Variants in PHRF1 observed in about 807,000 individuals in gnomAD.
PHRF1 encodes the protein PHD and RING finger domain-containing protein 1.
PHRF1 carries 53 observed loss-of-function variants against 128.9 expected under a neutral mutation model. The observed-to-expected ratio is 0.41, with a 90% CI of 0.33 to 0.52. PHRF1 has a LOEUF of 0.52. Ranked by LOEUF, PHRF1 falls within the 20% of genes least tolerant of loss-of-function variation. The pLI is 0.21. For missense variants in PHRF1, 2,503 were observed against 2,284.5 expected, an observed-to-expected ratio of 1.10 and a Z score of -1.95; for synonymous variants, 1,178 against 980.6, an observed-to-expected ratio of 1.20 and a Z score of -3.76.
chr11:600,727 GA>G (rs1219588265), intron 9 of PHRF1, among the ~76,000 whole-genome samples: 1 of 152,000 alleles, frequency 6.6e-6, no homozygotes, highest in Non-Finnish European at 1.5e-5. Context: ...AGCACTTTGG[GA>G]GGCCGAGGTG....
intron 6 of PHRF1, among the ~76,000 whole-genome samples, chr11:594,603 A>G (rs548043295): frequency 2.0e-4 from 30 of 152,290 alleles, no homozygotes; most frequent in African/African-American, 7.2e-4. Flanking sequence ...CTGGGATTAC[A>G]GGCACATGCC....
intron 12 of PHRF1, among the ~76,000 whole-genome samples, chr11:606,224 G>C (rs7940747): frequency 0.092 from 14,017 of 152,314 alleles, 975 homozygotes; most frequent in African/African-American, 0.2. Context: ...GGTTTCCCTG[G>C]GGCCAGAGCT....
At chr11:587,184 TG>T in intron 3 of PHRF1, 74 bp from the exon 4 acceptor site, 1 of 1,454,798 alleles carries the variant, frequency 6.9e-7, no homozygotes, top group Non-Finnish European at 9.5e-7. Context: ...GAGCGCAGCC[TG>T]GGCCCGCTTG....
At chr11:585,066 G>A (rs1352797532) in intron 3 of PHRF1, among the ~76,000 whole-genome samples, 2 of 152,178 alleles carry the variant, frequency 1.3e-5, no homozygotes, top group African/African-American at 2.4e-5. Context: ...TGAAGAAGTA[G>A]CCAGTGGGTC....
intron 3 of PHRF1, among the ~76,000 whole-genome samples, chr11:583,314 G>A (rs1430420766): frequency 1.3e-5 from 2 of 152,004 alleles, no homozygotes; most frequent in African/African-American, 4.8e-5. Context: ...TCCAGCCTGG[G>A]CAACAGAGCG....
At chr11:589,845 C>T (rs1297597535) in intron 4 of PHRF1, among the ~76,000 whole-genome samples, 1 of 146,982 alleles carries the variant, frequency 6.8e-6, no homozygotes, top group Admixed American at 6.8e-5. Flanking sequence ...AGAGAGTCTG[C>T]AAACGGGCAC....
intron 4 of PHRF1, among the ~76,000 whole-genome samples, chr11:590,588 TC>T (rs1387865657): frequency 6.6e-6 from 1 of 152,220 alleles, no homozygotes; most frequent in Non-Finnish European, 1.5e-5. Context: ...ATCAGTGTTT[TC>T]TTGTGTATGG....
At chr11:602,750 G>GTTTTTTTTTTTTT (rs1564857849) in intron 10 of PHRF1, among the ~76,000 whole-genome samples, 1 of 142,460 alleles carries the variant, frequency 7.0e-6, no homozygotes, top group African/African-American at 3.0e-5. Flanking sequence ...ATCTTTTTTG[G>GTTTTTTTTTTTTT]TTTTGTTTTT....
intron 9 of PHRF1, among the ~76,000 whole-genome samples, chr11:599,458 C>T (rs868297599): frequency 1.3e-5 from 2 of 151,956 alleles, no homozygotes; most frequent in Admixed American, 6.6e-5. Flanking sequence ...ACCATGTTGG[C>T]CAGGCTGGTC....
chr11:579,999 G>A (rs984862770), intron 1 of PHRF1, among the ~76,000 whole-genome samples: 4 of 152,232 alleles, frequency 2.6e-5, no homozygotes, highest in African/African-American at 9.6e-5. Flanking sequence ...GCCCACAGTG[G>A]TGGTGGGAGC....
chr11:609,794 GC>G, intron 14 of PHRF1, 74 bp downstream of exon 14: 3 of 1,049,902 alleles, frequency 2.9e-6, no homozygotes, highest in South Asian at 3.7e-5. Flanking sequence ...CGAGGACAGA[GC>G]CCCCCGTGAG....
chr11:603,048 C>T (rs1373247932), intron 10 of PHRF1, among the ~76,000 whole-genome samples: 1 of 151,952 alleles, frequency 6.6e-6, no homozygotes, highest in Non-Finnish European at 1.5e-5. Flanking sequence ...GAGTGAGCCA[C>T]CGTGCCCAGC....
Position 607,215 on chromosome 11 carries a change from G to A in PHRF1, c.1759G>A (p.Gly587Ser). 1.2e-6 allele frequency: 2 copies of A among 1,612,446 alleles called. No homozygotes were observed. Among genetic ancestry groups the A allele is most frequent in the Non-Finnish European group, 1.7e-6 (2 of 1,179,754 alleles). ...ACAGAGCACAGGGCTCAGCTGTCAA[G>A]GCAGGTCCCGCACCCCCGCCCGCAC... is the stretch of plus-strand genomic sequence containing the variant. The part of the protein sequence containing the change: ...RPQSTGLSCQ[G>S]RSRTPARTAG... The change falls in exon 14 of 18, where the codon GGC becomes AGC. Residue 587 changes from glycine (G) to serine (S), a missense_variant. Physicochemically the swap from Gly to Ser is moderately conservative, Grantham distance 56. Transcript: ENST00000264555.
intron 10 of PHRF1, among the ~76,000 whole-genome samples, chr11:602,493 C>T (rs1467248387): frequency 1.3e-5 from 2 of 151,970 alleles, no homozygotes; most frequent in South Asian, 4.1e-4. Flanking sequence ...CCAGCCTGGC[C>T]AACATGGTGA....
intron 1 of PHRF1, among the ~76,000 whole-genome samples, chr11:577,383 G>T (rs1200300858): frequency 6.6e-6 from 1 of 152,236 alleles, no homozygotes. Flanking sequence ...AGTCAGCTGG[G>T]TGAACCACGT....
chr11:607,989 A>G lies in PHRF1; in HGVS notation c.2533A>G (p.Ser845Gly). The G allele has an allele frequency of 1.9e-6, 3 of 1,611,318 alleles. No individual in the cohort carries two copies. The highest frequency in any genetic ancestry group is 1.1e-5 in the South Asian group (1 of 91,062). Residue 845 changes from serine (S) to glycine (G), a missense_variant, in exon 14 of 18, where the codon AGC becomes GGC. Ser to Gly is a moderately conservative substitution (Grantham distance 56, BLOSUM62 0). Transcript: ENST00000264555. ...CGGCTCCGACTCCAGCGCCCCTGGC[A>G]GCAGCCCCGAGAGGTCTGGCCCCGG... ...PTGSDSSAPGSSPERSGPGLL... is the reference protein window; with the variant it reads ...PTGSDSSAPGGSPERSGPGLL...
intron 3 of PHRF1, among the ~76,000 whole-genome samples, chr11:582,586 G>A (rs958669793): frequency 2.0e-5 from 3 of 151,846 alleles, no homozygotes; most frequent in Admixed American, 6.6e-5. Flanking sequence ...GTGCAGTGGC[G>A]CGATCTCGGC....
rs7936642 is a variant in PHRF1, at chr11:577,357, A to G, written c.-22+765A>G. Reference sequence around the variant, plus strand: ...GAGTTTATGTGCTTTACTTGTTTCGACAACAGCAGAACAGCAGTCAGCTGG... The same window carrying G: ...GAGTTTATGTGCTTTACTTGTTTCGGCAACAGCAGAACAGCAGTCAGCTGG... On this transcript the variant is annotated intron_variant, in intron 1 of 17. Transcript: ENST00000264555. 1.6e-4 allele frequency among the ~76,000 whole-genome samples: 24 copies of G among 152,290 alleles called. No individual in the cohort carries two copies. The East Asian group carries it at 4.6e-3, about 29-fold the overall frequency.
intron 6 of PHRF1, 102 bp from the exon 7 acceptor site, chr11:596,821 C>A: frequency 1.0e-6 from 1 of 963,938 alleles, no homozygotes; most frequent in Non-Finnish European, 1.6e-6. Flanking sequence ...GCATCGCAGA[C>A]TTGGGTGCCA....
Sources: gnomAD v4.1 joint callset for allele counts (sites outside exome capture counted in the v4.1 genomes callset) on GRCh38, gnomAD v4.1.1 for gene constraint, MANE v1.5 for transcripts, NCBI Gene and HGNC (gene_info 2026-07-23, HGNC 2026-07-21) for gene names.